ABCG5: variants seen among roughly 807,000 people sequenced by gnomAD.
ABCG5 encodes the protein ATP binding cassette subfamily G member 5.
A neutral mutation model predicts 64.5 loss-of-function variants in ABCG5; 64 were observed. The observed-to-expected ratio is 0.99, with a 90% CI of 0.81 to 1.22. ABCG5 has a LOEUF of 1.22. Among genes scored for constraint, ABCG5 ranks in the 50% most tolerant of loss-of-function variants. The pLI is 0.00. For missense variants in ABCG5, 908 were observed against 829.5 expected (o/e 1.09, Z -1.16); for synonymous variants, 385 against 326.3 (o/e 1.18, Z -1.94).
intron 7 of ABCG5, 68 bp downstream of exon 7, chr2:43,824,821 C>G: frequency 6.3e-7 from 1 of 1,592,330 alleles, no homozygotes; most frequent in East Asian, 2.2e-5. Flanking sequence ...TGGTGTCATC[C>G]AGGCAGAAGT....
chr2:43,835,267 TTGGCCTTTGGGGTGCACTTCTGAGATG>T (rs542000537), intron 2 of ABCG5, among the ~76,000 whole-genome samples: 4,893 of 82,148 alleles, frequency 0.06, 273 homozygotes, highest in African/African-American at 0.2. Flanking sequence ...CTTCTGAGCA[TTGGCCTTTGGGGTGCACTTCTGAGATG>T]GGGGGTTCCA....
At chr2:43,829,164 A>G (rs890419198) in intron 4 of ABCG5, among the ~76,000 whole-genome samples, 3 of 152,180 alleles carry the variant, frequency 2.0e-5, no homozygotes, top group African/African-American at 7.2e-5. Flanking sequence ...TTACTTTCAT[A>G]AGTGTTTGGG....
rs1667328107 is a variant in ABCG5, at chr2:43,822,903, T to C, written c.1357A>G (p.Ser453Gly). 1.9e-6 allele frequency: 3 copies of C among 1,613,900 alleles called. No individual in the cohort carries two copies. Among genetic ancestry groups the C allele is most frequent in the African/African-American group, 1.3e-5 (1 of 74,888 alleles). The change falls in exon 10 of 13, where the codon AGT becomes GGT. Residue 453 changes from serine to glycine, a missense_variant. Coordinates refer to ENST00000405322, the MANE Select transcript of ABCG5 (RefSeq NM_022436.3). The stretch of plus-strand genomic sequence containing the variant: ...CACTTCTGGTAGAGGCCGTCCTGAC[T>C]CTCCTGGTCGCTGACAGCTCGCAGC... The part of the protein sequence containing the change: ...PVLRAVSDQE[S>G]QDGLYQKWQM...
chr2:43,837,040 AAAAAG>A (rs770852906), intron 2 of ABCG5, among the ~76,000 whole-genome samples: 54 of 151,880 alleles, frequency 3.6e-4, no homozygotes, highest in Non-Finnish European at 6.5e-4. Flanking sequence ...AAAAAGAAAA[AAAAAG>A]AAAAGAAAAA....
chr2:43,835,030 C>A (rs534165450), intron 2 of ABCG5, among the ~76,000 whole-genome samples: 3 of 152,210 alleles, frequency 2.0e-5, no homozygotes, highest in Non-Finnish European at 2.9e-5. Context: ...GCACCCACTA[C>A]GTGACCGACC....
At chr2:43,823,799 G>A in intron 9 of ABCG5, 114 bp downstream of exon 9, 6 of 1,236,728 alleles carry the variant, frequency 4.9e-6, no homozygotes, top group Non-Finnish European at 6.7e-6. Flanking sequence ...CCTGGAGAGG[G>A]CTGGGTTTAG....
chr2:43,810,717 G>C (rs1354409519), downstream of ABCG5, among the ~76,000 whole-genome samples: 3 of 152,140 alleles, frequency 2.0e-5, no homozygotes, highest in African/African-American at 7.2e-5. Context: ...GTATGGTTCT[G>C]ACACCCTTGA....
chr2:43,823,867 G>A (rs367702525), intron 9 of ABCG5, 46 bp downstream of exon 9: 60 of 1,595,038 alleles, frequency 3.8e-5, no homozygotes, highest in Non-Finnish European at 4.8e-5. Flanking sequence ...GGAGAAGGGA[G>A]GTATTTAGGG....
At chr2:43,813,669 TG>T (rs1486962186) in intron 12 of ABCG5, among the ~76,000 whole-genome samples, 1 of 150,304 alleles carries the variant, frequency 6.7e-6, no homozygotes, top group Non-Finnish European at 1.5e-5. Context: ...GAGATTTTTT[TG>T]GTTGTTTTTT....
intron 4 of ABCG5, among the ~76,000 whole-genome samples, chr2:43,830,710 C>G (rs1475843802): frequency 6.6e-6 from 1 of 152,202 alleles, no homozygotes; most frequent in African/African-American, 2.4e-5. Context: ...GGAGCTGTGC[C>G]CCTTGAAGGA....
chr2:43,809,084 G>C (rs1158318170), downstream of ABCG5, among the ~76,000 whole-genome samples: 2 of 151,914 alleles, frequency 1.3e-5, no homozygotes, highest in Non-Finnish European at 2.9e-5. Context: ...GGCCTCCCAG[G>C]TTCAAGCGAT....
At chr2:43,806,281 A>T in the ABCG5 span, among the ~76,000 whole-genome samples, 1 of 152,228 alleles carries the variant, frequency 6.6e-6, no homozygotes, top group African/African-American at 2.4e-5. Flanking sequence ...AAACTTATAT[A>T]TGCTAAGCAC....
intron 6 of ABCG5, 139 bp downstream of exon 6, chr2:43,826,243 T>C (rs1667594389): frequency 7.8e-7 from 1 of 1,278,118 alleles, no homozygotes; most frequent in South Asian, 1.3e-5. Flanking sequence ...CAAGTGCTCC[T>C]CCTGCCTCAG....
Position 43,814,589 on chromosome 2 carries a change from T to C in ABCG5, c.1650A>G (p.Arg550=). 1 of 1,571,888 alleles carries C rather than the reference T, an allele frequency of 6.4e-7. No individual in the cohort carries two copies. Among genetic ancestry groups the C allele is most frequent in the Non-Finnish European group, 8.8e-7 (1 of 1,142,650 alleles). Residue 550 remains arginine, a splice_region_variant and synonymous_variant, in exon 12 of 13, where the codon AGA becomes AGG. Coordinates refer to ENST00000405322, the MANE Select transcript of ABCG5 (RefSeq NM_022436.3). ...AGVLVGSGFL[R]NIQEMPIPFK... ...AAGGAATGGGCATTTCTTGTATGTT[T>C]CTTAAGAAAAAGAAAACAAAAATGA...
intron 2 of ABCG5, among the ~76,000 whole-genome samples, chr2:43,835,947 T>C (rs867329044): frequency 4.0e-5 from 6 of 151,716 alleles, no homozygotes. Context: ...TCCTCTTCTT[T>C]TTTTTTTTTA....
At chr2:43,833,363 A>ATATTATTAT (rs67113914) in intron 2 of ABCG5, among the ~76,000 whole-genome samples, 3,707 of 144,208 alleles carry the variant, frequency 0.026, 62 homozygotes, top group Middle Eastern at 0.083. Context: ...TTTTGTTGAA[A>ATATTATTAT]TATTATTATT....
At chr2:43,813,799 C>A (rs1029503186) in intron 12 of ABCG5, among the ~76,000 whole-genome samples, 4 of 141,950 alleles carry the variant, frequency 2.8e-5, no homozygotes, top group African/African-American at 5.2e-5. Flanking sequence ...CTCACTGCAA[C>A]CTCAGCCTCC....
upstream of ABCG5, chr2:43,838,980 G>T: frequency 6.8e-7 from 1 of 1,469,352 alleles, no homozygotes; most frequent in Non-Finnish European, 9.3e-7. This position sits in a 1 kb window ranked among gnomAD's most constrained non-coding sequence, Gnocchi z 4.2. Context: ...GAAACAGAGT[G>T]AAGACACTGG....
At chr2:43,823,869 T>A in intron 9 of ABCG5, 44 bp downstream of exon 9, 2 of 1,593,244 alleles carry the variant, frequency 1.3e-6, no homozygotes, top group South Asian at 1.1e-5. Context: ...AGAAGGGAGG[T>A]ATTTAGGGAG....
Sources: allele counts gnomAD v4.1 joint callset (sites outside exome capture counted in the v4.1 genomes callset), GRCh38; gene constraint gnomAD v4.1.1; non-coding constraint Gnocchi (gnomAD v3.1); transcripts MANE v1.5; gene names NCBI Gene and HGNC (gene_info 2026-07-23, HGNC 2026-07-21).